Variants in STAU2 observed in about 807,000 individuals in gnomAD.
STAU2 encodes double-stranded RNA-binding protein Staufen homolog 2.
STAU2 carries 20 observed loss-of-function variants against 65.9 expected under a neutral mutation model. The ratio of observed to expected loss-of-function variants is 0.30; its 90% CI spans 0.21 to 0.44. The LOEUF is 0.44. Ranked by LOEUF, STAU2 falls within the 20% of genes least tolerant of loss-of-function variation. The pLI is 1.00. For synonymous variants in STAU2, 232 were observed against 233.9 expected (o/e 0.99, Z 0.07); for missense variants, 558 against 683.9 (o/e 0.82, Z 2.05).
chr8:73,467,689 C>T (rs548191925), intron 13 of STAU2, among the ~76,000 whole-genome samples: 3 of 152,186 alleles, frequency 2.0e-5, no homozygotes, highest in Non-Finnish European at 4.4e-5. Context: ...GATGGTAGAG[C>T]CAGACAAGAA....
In STAU2 at chr8:73,676,419, C is replaced by T. The variant is rs1049917061; in HGVS notation, c.275-3177G>A. On this transcript the variant is annotated intron_variant, in intron 5 of 14. Transcript: ENST00000524300. ...ATCATACATTAAACTCGATTCCTGACAGACTGTAGATCTAAACTGTAAAGA... is the reference window on the plus strand; with the variant it reads ...ATCATACATTAAACTCGATTCCTGATAGACTGTAGATCTAAACTGTAAAGA... Among the ~76,000 whole-genome samples the T allele has an allele frequency of 5.3e-5, 8 of 152,150 alleles. 1 individual carries two copies. Among genetic ancestry groups the T allele is most frequent in the African/African-American group, 1.9e-4 (8 of 41,414 alleles).
intron 13 of STAU2, among the ~76,000 whole-genome samples, chr8:73,509,866 C>CT (rs1822289465): frequency 6.6e-6 from 1 of 151,948 alleles, no homozygotes; most frequent in Non-Finnish European, 1.5e-5. Flanking sequence ...GAGGAAATTT[C>CT]TTTTTTGTAT....
At chr8:73,485,758 C>A (rs949934244) in intron 13 of STAU2, among the ~76,000 whole-genome samples, 2 of 152,032 alleles carry the variant, frequency 1.3e-5, no homozygotes, top group East Asian at 3.9e-4. Context: ...TACTTGAGAG[C>A]AGGAGTTTGA....
intron 13 of STAU2, among the ~76,000 whole-genome samples, chr8:73,432,681 G>T (rs932932340): frequency 1.3e-5 from 2 of 152,160 alleles, no homozygotes; most frequent in African/African-American, 4.8e-5. Context: ...TATTGAGCTT[G>T]AGTTAACCCA....
intron 12 of STAU2, among the ~76,000 whole-genome samples, chr8:73,577,112 T>C (rs1264164668): frequency 6.6e-6 from 1 of 152,210 alleles, no homozygotes; most frequent in African/African-American, 2.4e-5. Context: ...ATACAGATAA[T>C]TCTGCTTCCC....
chr8:73,664,635 A>T (rs1023232229), intron 6 of STAU2, among the ~76,000 whole-genome samples: 7 of 152,176 alleles, frequency 4.6e-5, no homozygotes, highest in Non-Finnish European at 8.8e-5. Context: ...CCTAGAATAA[A>T]CTTCATTTAA....
At chr8:73,471,173 CTT>C (rs35701266) in intron 13 of STAU2, among the ~76,000 whole-genome samples, 3 of 124,850 alleles carry the variant, frequency 2.4e-5, no homozygotes, top group Non-Finnish European at 3.3e-5. Context: ...CTAATTCTCT[CTT>C]TTTTTTTTTT....
In STAU2 at chr8:73,533,840, A is replaced by G. The variant is rs577462869; in HGVS notation, c.1530+18172T>C. On this transcript the variant is annotated intron_variant, in intron 13 of 14. Transcript: ENST00000524300. Reference sequence around the variant, plus strand: ...GAGGGGCCATCCAAATAAAAATTTAAATTTCCTACCCCCAGCTCCGAAAAG... The same window carrying G: ...GAGGGGCCATCCAAATAAAAATTTAGATTTCCTACCCCCAGCTCCGAAAAG... 1.5e-4 allele frequency among the ~76,000 whole-genome samples: 23 copies of G among 152,296 alleles called. No homozygotes were observed. The East Asian group carries it at 2.9e-3, about 19-fold the overall frequency.
At chr8:73,648,430 GTC>G (rs1815560872) in intron 6 of STAU2, among the ~76,000 whole-genome samples, 2 of 152,156 alleles carry the variant, frequency 1.3e-5, no homozygotes, top group African/African-American at 4.8e-5. Flanking sequence ...TTAAACTTGA[GTC>G]TCTGTTTCTT....
At chr8:73,443,542 A>G (rs760737454) in intron 13 of STAU2, among the ~76,000 whole-genome samples, 61 of 152,236 alleles carry the variant, frequency 4.0e-4, no homozygotes, top group Admixed American at 8.5e-4. Context: ...CTTCTCAATG[A>G]AGCCTTTTTA....
chr8:73,697,493 T>C (rs1047747314), intron 4 of STAU2: 3 of 152,146 alleles, frequency 2.0e-5, no homozygotes, highest in Non-Finnish European at 4.4e-5. Flanking sequence ...AGGTACAAAA[T>C]GCACTGGTAA....
At chr8:73,599,064 T>G (rs1289841781) in intron 10 of STAU2, among the ~76,000 whole-genome samples, 1 of 152,154 alleles carries the variant, frequency 6.6e-6, no homozygotes, top group South Asian at 2.1e-4. Flanking sequence ...CAAATTGACC[T>G]AAACTCAATT....
At chr8:73,458,036 T>C (rs866163097) in intron 13 of STAU2, among the ~76,000 whole-genome samples, 37 of 152,298 alleles carry the variant, frequency 2.4e-4, no homozygotes, top group African/African-American at 6.7e-4. Flanking sequence ...TAACAACCTA[T>C]ATGGACATAC....
rs538636180 is a variant in STAU2, at chr8:73,737,565, CT to C, written c.-18+718del. Among the ~76,000 whole-genome samples the C allele has an allele frequency of 9.2e-3, 1,301 of 141,410 alleles. 20 individuals carry two copies. The highest frequency in any genetic ancestry group is 0.025 in the African/African-American group (960 of 38,874). 92.8% of individuals were successfully genotyped at this position (141,410 alleles called of 152,430 possible). Reference sequence around the variant, plus strand: ...GAAATAAAAGTATTTTGTTTCTTTCCTTTTTTTTTTTTTTGTTTTTAAGAGA... The same window carrying C: ...GAAATAAAAGTATTTTGTTTCTTTCCTTTTTTTTTTTTTGTTTTTAAGAGA... On this transcript the variant is annotated intron_variant, in intron 3 of 14. Transcript: ENST00000524300.
chr8:73,422,640 C>A lies in STAU2; in HGVS notation c.1593G>T (p.Met531Ile). 3 of 1,514,754 alleles carry A rather than the reference C, an allele frequency of 2.0e-6. No individual in the cohort carries two copies. The highest frequency in any genetic ancestry group is 2.6e-6 in the Non-Finnish European group (3 of 1,139,722). 93.8% of individuals were successfully genotyped at this position (1,514,754 alleles called of 1,614,324 possible). The change falls in exon 14 of 15, where the codon ATG becomes ATT. Residue 531 changes from methionine to isoleucine, a missense_variant. Physicochemically the swap from Met to Ile is conservative, Grantham distance 10 (BLOSUM62 1). Around this residue, in one of 3 missense-constraint regions of STAU2, gnomAD observed 247 missense variants for 270.1 expected, o/e 0.91. Transcript: ENST00000524300. ...EQGLDPIDGA[M>I]NIEKGSLEKQ... is the part of the protein sequence containing the mutation. Reference sequence around the variant, plus strand: ...TTTCAAGAGAACCTTTTTCGATATTCATTGCTCCATCGATTGGATCCAGTC... The same window carrying A: ...TTTCAAGAGAACCTTTTTCGATATTAATTGCTCCATCGATTGGATCCAGTC...
intron 10 of STAU2, among the ~76,000 whole-genome samples, chr8:73,599,065 A>C (rs965092964): frequency 6.6e-6 from 1 of 152,180 alleles, no homozygotes; most frequent in African/African-American, 2.4e-5. Flanking sequence ...AAATTGACCT[A>C]AACTCAATTA....
chr8:73,586,103 T>C (rs1415727145), intron 11 of STAU2, among the ~76,000 whole-genome samples: 1 of 152,114 alleles, frequency 6.6e-6, no homozygotes, highest in Non-Finnish European at 1.5e-5. Flanking sequence ...CAAACAAATA[T>C]AGGAGGCAAC....
chr8:73,734,888 T>C (rs1167970696), intron 3 of STAU2, among the ~76,000 whole-genome samples: 1 of 152,088 alleles, frequency 6.6e-6, no homozygotes, highest in East Asian at 1.9e-4. Flanking sequence ...AGAGACAACG[T>C]TGAAAATCAC....
intron 3 of STAU2, among the ~76,000 whole-genome samples, chr8:73,720,703 A>T (rs867919149): frequency 2.0e-5 from 2 of 102,150 alleles, no homozygotes; most frequent in African/African-American, 8.5e-5. Context: ...TAGTAGAGAC[A>T]GGGTTTCACC....
Sources: allele counts gnomAD v4.1 joint callset (sites outside exome capture counted in the v4.1 genomes callset), GRCh38; gene constraint gnomAD v4.1.1; regional missense constraint gnomAD v4.1.1; transcripts MANE v1.5; gene names NCBI Gene and HGNC (gene_info 2026-07-23, HGNC 2026-07-21).